The following RAD54B variants were observed in gnomAD, a reference collection of about 807,000 sequenced individuals.
The protein encoded by RAD54B is RAD54 homolog B.
A neutral mutation model predicts 95.8 loss-of-function variants in RAD54B; 78 were observed. The ratio of observed to expected loss-of-function variants is 0.81; its 90% confidence interval spans 0.68 to 0.98. The LOEUF (loss-of-function observed/expected upper bound fraction) is 0.98. Among genes scored for constraint, RAD54B ranks in the 50% least tolerant of loss-of-function variants. The pLI is 0.00. For synonymous variants in RAD54B, 328 were observed against 354.9 expected, an observed-to-expected ratio of 0.92 and a Z score of 0.85; for missense variants, 957 against 1,056.6, an observed-to-expected ratio of 0.91 and a Z score of 1.31.
chr8:94,406,371 GA>G (rs1028419322), intron 5 of RAD54B, among the ~76,000 whole-genome samples: 1 of 152,138 alleles, frequency 6.6e-6, no homozygotes, highest in African/African-American at 2.4e-5. Context: ...AGAGAAAGGA[GA>G]ATAAAGAGGA....
At chr8:94,425,506 A>T (rs886357195) in intron 3 of RAD54B, among the ~76,000 whole-genome samples, 1 of 152,102 alleles carries the variant, frequency 6.6e-6, no homozygotes, top group Non-Finnish European at 1.5e-5. Flanking sequence ...AAACCTACCA[A>T]TGTTTAATAT....
intron 3 of RAD54B, among the ~76,000 whole-genome samples, chr8:94,449,148 A>T (rs904867438): frequency 1.3e-4 from 19 of 151,920 alleles, no homozygotes; most frequent in Admixed American, 2.6e-4. Flanking sequence ...AAATGTTTTA[A>T]ATTGAGCTTT....
At position 94,469,932 on chromosome 8, in the gene RAD54B, G is replaced by T. The variant is rs569403618; in HGVS notation, c.-16-2377C>A. On this transcript the variant is annotated intron_variant, in intron 1 of 14. Transcript: ENST00000336148. Reference sequence around the variant, plus strand: ...TTTCACTCAATCTTATTTCCACTAGGACTGGATAGGGGAACAGATGGAAAA... The same window carrying T: ...TTTCACTCAATCTTATTTCCACTAGTACTGGATAGGGGAACAGATGGAAAA... 4.1e-4 allele frequency among the ~76,000 whole-genome samples: 63 copies of T among 152,250 alleles called. 2 individuals are homozygous for T. In the South Asian group the frequency reaches 9.5e-3, roughly 23 times the overall value.
At chr8:94,467,034 T>A (rs1305075282) in intron 2 of RAD54B, among the ~76,000 whole-genome samples, 1 of 152,130 alleles carries the variant, frequency 6.6e-6, no homozygotes, top group East Asian at 1.9e-4. Flanking sequence ...GCTCAAGTCA[T>A]CCTCCCACCT....
intron 1 of RAD54B, among the ~76,000 whole-genome samples, chr8:94,471,274 G>C (rs796445543): frequency 1.3e-5 from 2 of 148,384 alleles, no homozygotes; most frequent in African/African-American, 5.0e-5. Flanking sequence ...GTGGCGGGGG[G>C]GGGCAGTACT....
intron 3 of RAD54B, among the ~76,000 whole-genome samples, chr8:94,439,768 A>G (rs1328379090): frequency 1.3e-5 from 2 of 152,214 alleles, no homozygotes; most frequent in African/African-American, 4.8e-5. Flanking sequence ...ACCTGGGATC[A>G]ATAGAAAGGA....
At chr8:94,414,686 A>G (rs548297175) in intron 3 of RAD54B, among the ~76,000 whole-genome samples, 7 of 152,350 alleles carry the variant, frequency 4.6e-5, no homozygotes, top group Non-Finnish European at 8.8e-5. Context: ...TACAAAATCA[A>G]TGTATAAAAA....
At chr8:94,430,823 C>CGGG in intron 3 of RAD54B, 1 of 985,478 alleles carries the variant, frequency 1.0e-6, no homozygotes, top group African/African-American at 1.7e-5. Flanking sequence ...TAAACAGCAG[C>CGGG]TACCCTACCT....
At chr8:94,469,994 G>C (rs889041690) in intron 1 of RAD54B, among the ~76,000 whole-genome samples, 1 of 152,138 alleles carries the variant, frequency 6.6e-6, no homozygotes, top group African/African-American at 2.4e-5. Context: ...TTTCTGCAAT[G>C]GATAGTAGCA....
chr8:94,417,874 CA>C (rs945360326), intron 3 of RAD54B, among the ~76,000 whole-genome samples: 2 of 152,124 alleles, frequency 1.3e-5, no homozygotes, highest in African/African-American at 4.8e-5. Context: ...TCAGAACCAC[CA>C]AAGTTGTTTT....
Position 94,467,550 on chromosome 8 carries a change from C to A in RAD54B, c.-11G>T. The A allele has an allele frequency of 6.2e-7, 1 of 1,604,130 alleles. No individual in the cohort carries two copies. ...TGCAGATCGTCTCATATTCAGCAGT[C>A]GTGACCTGAAAAATACCCAAAACAG... On this transcript the variant is annotated 5_prime_UTR_variant, in exon 2 of 15. Transcript: ENST00000336148.
intron 14 of RAD54B, among the ~76,000 whole-genome samples, chr8:94,375,718 G>A (rs1375022927): frequency 2.0e-5 from 3 of 152,128 alleles, no homozygotes; most frequent in Non-Finnish European, 4.4e-5. Context: ...AATACGGAAA[G>A]ATCTCAAGAT....
intron 3 of RAD54B, among the ~76,000 whole-genome samples, chr8:94,452,340 T>C (rs922373615): frequency 6.6e-6 from 1 of 152,242 alleles, no homozygotes; most frequent in African/African-American, 2.4e-5. Context: ...CTTTATCATA[T>C]AGCAGCCTGT....
intron 14 of RAD54B, among the ~76,000 whole-genome samples, chr8:94,373,383 G>A (rs1368778460): frequency 3.8e-5 from 5 of 130,720 alleles, no homozygotes; most frequent in African/African-American, 5.4e-5. Flanking sequence ...CCTCCCTTAC[G>A]GTTAGATATT....
At chr8:94,378,040 C>T in intron 14 of RAD54B, 140 bp downstream of exon 14, 2 of 510,938 alleles carry the variant, frequency 3.9e-6, no homozygotes, top group East Asian at 3.6e-5. Context: ...TATCTGGCAG[C>T]TGCCCTATGA....
chr8:94,405,509 A>C (rs1208851499), intron 5 of RAD54B, among the ~76,000 whole-genome samples: 1 of 152,198 alleles, frequency 6.6e-6, no homozygotes, highest in South Asian at 2.1e-4. Flanking sequence ...TTTTCTCTGG[A>C]TCTTCCTAGG....
At chr8:94,437,977 G>A (rs1472279838) in intron 3 of RAD54B, among the ~76,000 whole-genome samples, 4 of 152,126 alleles carry the variant, frequency 2.6e-5, no homozygotes, top group African/African-American at 7.2e-5. Flanking sequence ...GAACATACTT[G>A]AACATAGTTC....
intron 10 of RAD54B, among the ~76,000 whole-genome samples, chr8:94,391,022 T>C (rs1469942595): frequency 6.6e-6 from 1 of 152,130 alleles, no homozygotes; most frequent in Non-Finnish European, 1.5e-5. Flanking sequence ...TCAAAAAGTT[T>C]TGAATTTTGG....
At chr8:94,388,758 A>T (rs1810949378) in intron 10 of RAD54B, among the ~76,000 whole-genome samples, 1 of 152,068 alleles carries the variant, frequency 6.6e-6, no homozygotes, top group Admixed American at 6.6e-5. Flanking sequence ...AATACTAGGA[A>T]CTCTAAAATA....
Sources: allele counts gnomAD v4.1 joint callset (sites outside exome capture counted in the v4.1 genomes callset), GRCh38; gene constraint gnomAD v4.1.1; transcripts MANE v1.5; gene names NCBI Gene and HGNC (gene_info 2026-07-23, HGNC 2026-07-21).